Variants in HIP1 observed in about 807,000 individuals in gnomAD.
HIP1 encodes huntingtin interacting protein 1.
HIP1 carries 65 observed loss-of-function variants against 147.6 expected under a neutral mutation model. That is an observed-to-expected ratio of 0.44 (90% CI 0.36 to 0.54). HIP1 has a LOEUF of 0.54. Ranked by LOEUF, HIP1 falls within the 20% of genes least tolerant of loss-of-function variation. The probability of loss-of-function intolerance (pLI) is 0.00; values close to 1 mark genes in which losing one functional copy is unlikely to be tolerated. For synonymous variants in HIP1, 479 were observed against 504.0 expected (o/e 0.95, Z 0.67); for missense variants, 1,061 against 1,299.6 (o/e 0.82, Z 2.82).
chr7:75,570,361 G>A (rs1474087051), intron 8 of HIP1, among the ~76,000 whole-genome samples: 9 of 148,394 alleles, frequency 6.1e-5, no homozygotes, highest in Non-Finnish European at 1.2e-4. Flanking sequence ...GCACGATCTC[G>A]GCTCACTGCA....
At chr7:75,704,925 C>G (rs1158397325) in intron 1 of HIP1, among the ~76,000 whole-genome samples, 1 of 152,160 alleles carries the variant, frequency 6.6e-6, no homozygotes, top group Non-Finnish European at 1.5e-5. Context: ...TTTTTAAAAG[C>G]TTGGAATTCC....
chr7:75,655,571 G>A (rs1024600199), intron 1 of HIP1, among the ~76,000 whole-genome samples: 7 of 148,128 alleles, frequency 4.7e-5, no homozygotes, highest in Non-Finnish European at 6.0e-5. Flanking sequence ...GACAGAGTGA[G>A]CTCTGTCTCA....
In HIP1 at chr7:75,664,094, A is replaced by G. The variant is rs1271856913; in HGVS notation, c.121-64847T>C. Among the ~76,000 whole-genome samples, 51 of 91,212 alleles carry G rather than the reference A, an allele frequency of 5.6e-4. 14 individuals are homozygous for G. The highest frequency in any genetic ancestry group is 1.0e-3 in the Non-Finnish European group (45 of 44,540). The allele number at this position is 91,212 out of a possible 152,430, so 59.8% of individuals were successfully genotyped here. A position where few individuals can be genotyped will look rare whatever the true frequency, so the allele number is the denominator to read the frequency against. On this transcript the variant is annotated intron_variant, in intron 1 of 30. Transcript: ENST00000336926. The stretch of plus-strand genomic sequence containing the variant: ...TATATACACACACATATACACACAT[A>G]TGTGCATACATACATGTATGCATAT...
intron 1 of HIP1, among the ~76,000 whole-genome samples, chr7:75,669,763 A>G (rs1554515061): frequency 1.3e-5 from 2 of 152,152 alleles, no homozygotes; most frequent in Non-Finnish European, 2.9e-5. Context: ...AATGTTTTCA[A>G]TGTTTAAGCA....
At chr7:75,625,828 T>G (rs941536381) in intron 1 of HIP1, 2 of 152,084 alleles carry the variant, frequency 1.3e-5, no homozygotes, top group African/African-American at 4.8e-5. Context: ...CCCAGCACTT[T>G]GAGAGGCTGA....
chr7:75,559,927 C>G lies in HIP1; in HGVS notation c.1192-12G>C, dbSNP rs782564908. The G allele has an allele frequency of 6.3e-7, 1 of 1,584,650 alleles. No individual in the cohort carries two copies. The highest frequency in any genetic ancestry group is 8.6e-7 in the Non-Finnish European group (1 of 1,168,046). ...ACAACCCGCTGGCTCTGTGGGGGGA[C>G]TCCGGTCATGAGGCCAACCGCCCAC... On this transcript the variant is annotated splice_polypyrimidine_tract_variant and intron_variant, in intron 13 of 30. Transcript: ENST00000336926.
chr7:75,671,074 T>A (rs1554515248), intron 1 of HIP1, among the ~76,000 whole-genome samples: 2 of 152,086 alleles, frequency 1.3e-5, no homozygotes, highest in African/African-American at 4.8e-5. Context: ...GTAGTATGTG[T>A]CAGAATTTCC....
intron 1 of HIP1, among the ~76,000 whole-genome samples, chr7:75,630,730 C>A (rs1232119834): frequency 7.9e-5 from 12 of 152,242 alleles, no homozygotes; most frequent in Non-Finnish European, 1.8e-4. Flanking sequence ...CTGACACATG[C>A]CCCATCCTTT....
Position 75,556,787 on chromosome 7 carries a change from C to G in HIP1, c.1606G>C (p.Glu536Gln). Residue 536 changes from glutamate to glutamine, a missense_variant, in exon 17 of 31, where the codon GAG (glutamate) becomes CAG (glutamine). By Grantham distance (29) the Glu-to-Gln change is conservative (BLOSUM62 2). Coordinates refer to ENST00000336926, the MANE Select transcript of HIP1 (RefSeq NM_005338.7). ...GTGGCAAGTTCCTGCTTCAAGCTCT[C>G]TAGAACTTCCAGCTGTTCTTGAGTC... Reference protein sequence around the residue: ...RKTQEQLEVLESLKQELATSQ... With the variant: ...RKTQEQLEVLQSLKQELATSQ... 2 of 1,612,656 alleles carry G rather than the reference C, an allele frequency of 1.2e-6. No individual in the cohort carries two copies. The highest frequency in any genetic ancestry group is 1.7e-6 in the Non-Finnish European group (2 of 1,178,834).
rs146429905 is a variant in HIP1 at position 75,576,141 on chromosome 7, G to A, written c.605-2240C>T. 9.2e-5 allele frequency among the ~76,000 whole-genome samples: 14 copies of A among 152,244 alleles called. No homozygotes were observed. In the East Asian group the frequency reaches 2.5e-3, roughly 27 times the overall value. Reference sequence around the variant, plus strand: ...GAAACATCTAGAGCAGTGTCATCACGGACAAGTTGCTCAGTCACTCTGTGC... The same window carrying A: ...GAAACATCTAGAGCAGTGTCATCACAGACAAGTTGCTCAGTCACTCTGTGC... On this transcript the variant is annotated intron_variant, in intron 7 of 30. Transcript: ENST00000336926.
At position 75,561,411 on chromosome 7, in the gene HIP1, G is replaced by A. The variant is rs1005866708; in HGVS notation, c.1119-10C>T. 5.6e-6 allele frequency: 9 copies of A among 1,592,932 alleles called. No homozygotes were observed. Among genetic ancestry groups the A allele is most frequent in the African/African-American group, 1.3e-5 (1 of 74,444 alleles). On this transcript the variant is annotated splice_polypyrimidine_tract_variant and intron_variant, in intron 12 of 30. Coordinates refer to ENST00000336926, the MANE Select transcript of HIP1 (RefSeq NM_005338.7). ...CTCAATTAAGTGGTCCCTGGGAAGA[G>A]AAGGGGAATGAGTTTGCTTTCATAG... is the stretch of plus-strand genomic sequence containing the variant.
chr7:75,613,023 G>A (rs10246580), intron 1 of HIP1, among the ~76,000 whole-genome samples: 34,450 of 151,786 alleles, frequency 0.23, 7,544 homozygotes, highest in African/African-American at 0.57. Flanking sequence ...AGGATGGCTT[G>A]AGCCCAGAAG....
rs781878196 is a variant in HIP1, at chr7:75,559,823, G to C, written c.1284C>G (p.Asp428Glu). The C allele has an allele frequency of 1.2e-6, 2 of 1,612,510 alleles. No homozygotes were observed. Among genetic ancestry groups the C allele is most frequent in the South Asian group, 2.2e-5 (2 of 91,058 alleles). Residue 428 changes from aspartate (D) to glutamate (E), a missense_variant, in exon 14 of 31, where the codon GAC (aspartate) becomes GAG (glutamate). Around this residue, in one of 3 missense-constraint regions of HIP1, gnomAD observed 810 missense variants for 946.8 expected, o/e 0.86. Transcript: ENST00000336926. ...EQQHLRQQAA[D>E]DCEFLRAELD... ...GTTCTGCCCGCAGGAATTCACAGTCGTCGGCCGCCTGCTGCCGCAGGTGCT... is the reference window on the plus strand; with the variant it reads ...GTTCTGCCCGCAGGAATTCACAGTCCTCGGCCGCCTGCTGCCGCAGGTGCT...
At chr7:75,584,427 T>C (rs2116935939) in intron 5 of HIP1, among the ~76,000 whole-genome samples, 1 of 152,294 alleles carries the variant, frequency 6.6e-6, no homozygotes, top group South Asian at 2.1e-4. Context: ...AAAAGTCCTT[T>C]GCTCCTCCAC....
At chr7:75,670,784 AAC>A (rs1554515199) in intron 1 of HIP1, among the ~76,000 whole-genome samples, 1 of 80,400 alleles carries the variant, frequency 1.2e-5, no homozygotes, top group Admixed American at 1.3e-4. Flanking sequence ...AGCTAATTAA[AAC>A]TTTTTTTTTT....
In HIP1 at chr7:75,561,232, G is replaced by A. The variant is rs946926537; in HGVS notation, c.1191+97C>T. 1.8e-5 allele frequency: 17 copies of A among 920,098 alleles called. No homozygotes were observed. In the Middle Eastern group the frequency reaches 3.2e-3, roughly 171 times the overall value. The allele number at this position is 920,098 out of a possible 1,614,324, so 57.0% of individuals were successfully genotyped here. A position where few individuals can be genotyped will look rare whatever the true frequency, so the allele number is the denominator to read the frequency against. On this transcript the variant is annotated intron_variant, in intron 13 of 30. Coordinates refer to ENST00000336926, the MANE Select transcript of HIP1 (RefSeq NM_005338.7). Reference sequence around the variant, plus strand: ...GCCTCCCAAAGTGCTAGGATTACAGGTGTGAGCCACTGTGCCTGGCTAGTG... The same window carrying A: ...GCCTCCCAAAGTGCTAGGATTACAGATGTGAGCCACTGTGCCTGGCTAGTG...
At chr7:75,559,962 T>A in intron 13 of HIP1, 47 bp from the exon 14 acceptor site, 1 of 1,512,440 alleles carries the variant, frequency 6.6e-7, no homozygotes, top group Admixed American at 2.2e-5. Context: ...CTGCCACGGG[T>A]CACGGGCATG....
chr7:75,599,708 G>A (rs782731434), intron 1 of HIP1, among the ~76,000 whole-genome samples: 1 of 152,058 alleles, frequency 6.6e-6, no homozygotes, highest in Non-Finnish European at 1.5e-5. Flanking sequence ...CAGCACCGGC[G>A]GTGGTCACTA....
intron 24 of HIP1, among the ~76,000 whole-genome samples, chr7:75,547,355 C>T (rs782779253): frequency 6.6e-5 from 10 of 152,188 alleles, no homozygotes; most frequent in Non-Finnish European, 7.3e-5. Flanking sequence ...GCAACCTCCA[C>T]CTCCCAGGTT....
Sources: allele counts gnomAD v4.1 joint callset (sites outside exome capture counted in the v4.1 genomes callset), GRCh38; gene constraint gnomAD v4.1.1; regional missense constraint gnomAD v4.1.1; transcripts MANE v1.5; gene names NCBI Gene and HGNC (gene_info 2026-07-23, HGNC 2026-07-21).